Variants in SEMA3A observed in about 807,000 individuals in gnomAD.
SEMA3A encodes semaphorin 3A.
Under a neutral mutation model 97.9 loss-of-function variants are expected in SEMA3A, and 29 were observed. The ratio of observed to expected loss-of-function variants is 0.30; its 90% confidence interval spans 0.22 to 0.40. The LOEUF (loss-of-function observed/expected upper bound fraction) is 0.40, where lower values mean the gene tolerates loss of function less well. SEMA3A is among the 10% of genes least tolerant of loss of function. The probability of loss-of-function intolerance (pLI) is 1.00; values close to 1 mark genes in which losing one functional copy is unlikely to be tolerated. For synonymous variants in SEMA3A, 321 were observed against 323.7 expected (o/e 0.99, Z 0.09); for missense variants, 763 against 951.3 (o/e 0.80, Z 2.60).
At chr7:84,063,728 A>G (rs1176992766) in intron 4 of SEMA3A, among the ~76,000 whole-genome samples, 1 of 150,386 alleles carries the variant, frequency 6.6e-6, no homozygotes, top group East Asian at 2.0e-4. Context: ...AAAAAAGAAT[A>G]AAAAGAAATG....
intron 12 of SEMA3A, among the ~76,000 whole-genome samples, chr7:83,991,545 G>A (rs1277798036): frequency 6.6e-6 from 1 of 151,726 alleles, no homozygotes. Flanking sequence ...GTTGAATTTT[G>A]TCAAAGGCTT....
chr7:84,008,445 C>T (rs573879090), intron 9 of SEMA3A, among the ~76,000 whole-genome samples: 3 of 144,046 alleles, frequency 2.1e-5, no homozygotes, highest in East Asian at 4.1e-4. Context: ...GAGCCTAGAT[C>T]GTGCCACTGC....
chr7:84,401,111 A>C (rs1466843260), intron 1 of SEMA3A, among the ~76,000 whole-genome samples: 1 of 152,206 alleles, frequency 6.6e-6, no homozygotes. Context: ...TCTTATACTT[A>C]TAGAAACCTA....
intron 3 of SEMA3A, among the ~76,000 whole-genome samples, chr7:84,124,418 T>A (rs953753665): frequency 6.6e-6 from 1 of 152,198 alleles, no homozygotes; most frequent in Non-Finnish European, 1.5e-5. Context: ...TGGTTACAAT[T>A]CTGTCTTGGA....
chr7:84,379,600 TTGAGGAAGTGA>T (rs1361241551), intron 1 of SEMA3A, among the ~76,000 whole-genome samples: 2 of 152,114 alleles, frequency 1.3e-5, no homozygotes, highest in African/African-American at 4.8e-5. Context: ...AAGCTTCAAT[TTGAGGAAGTGA>T]TCAGGTTTTG....
intron 1 of SEMA3A, among the ~76,000 whole-genome samples, chr7:84,439,356 G>C (rs1307415521): frequency 6.6e-6 from 1 of 152,000 alleles, no homozygotes; most frequent in African/African-American, 2.4e-5. Flanking sequence ...GTGTCGACAT[G>C]GATAAATTTT....
chr7:84,086,041 A>AT (rs1258746911), intron 4 of SEMA3A, among the ~76,000 whole-genome samples: 2 of 151,986 alleles, frequency 1.3e-5, no homozygotes, highest in African/African-American at 2.4e-5. Flanking sequence ...GAATAATGCT[A>AT]TTTTTTCTGC....
intron 2 of SEMA3A, among the ~76,000 whole-genome samples, chr7:84,133,473 C>T (rs1053089172): frequency 2.0e-5 from 3 of 152,126 alleles, no homozygotes; most frequent in Non-Finnish European, 2.9e-5. Flanking sequence ...TAAAAATTAT[C>T]ATCAAATCTG....
chr7:83,967,792 T>G (rs1788762871), intron 15 of SEMA3A, among the ~76,000 whole-genome samples: 1 of 152,056 alleles, frequency 6.6e-6, no homozygotes, highest in South Asian at 2.1e-4. Flanking sequence ...TTTAAAAATT[T>G]TGTTTTGTTT....
intron 2 of SEMA3A, among the ~76,000 whole-genome samples, chr7:84,358,722 T>C (rs1397755453): frequency 6.6e-6 from 1 of 152,144 alleles, no homozygotes; most frequent in Non-Finnish European, 1.5e-5. Flanking sequence ...ATAAATTACC[T>C]TGGGCAGTAT....
intron 1 of SEMA3A, among the ~76,000 whole-genome samples, chr7:84,161,055 T>C (rs1260994006): frequency 6.6e-6 from 1 of 151,736 alleles, no homozygotes; most frequent in African/African-American, 2.4e-5. Context: ...AAGAGGATAA[T>C]ACTTTTTATT....
chr7:84,478,337 G>C (rs529050815), intron 1 of SEMA3A, among the ~76,000 whole-genome samples: 3 of 151,990 alleles, frequency 2.0e-5, no homozygotes, highest in Non-Finnish European at 4.4e-5. Flanking sequence ...GAATACAATG[G>C]GAACTTCCCT....
At chr7:84,321,872 GAAAAAAAAAA>G (rs1156548285) in intron 2 of SEMA3A, among the ~76,000 whole-genome samples, 1 of 12,062 alleles carries the variant, frequency 8.3e-5, no homozygotes, top group Non-Finnish European at 1.8e-4. Context: ...CGAGACTACG[GAAAAAAAAAA>G]AAAAAAAAAA....
intron 1 of SEMA3A, among the ~76,000 whole-genome samples, chr7:84,480,671 T>C (rs1806421106): frequency 6.6e-6 from 1 of 152,140 alleles, no homozygotes; most frequent in South Asian, 2.1e-4. Context: ...TTTCTGAAAC[T>C]GAATATTATC....
intron 1 of SEMA3A, among the ~76,000 whole-genome samples, chr7:84,170,384 C>A (rs1054658872): frequency 2.6e-5 from 4 of 151,936 alleles, no homozygotes; most frequent in Admixed American, 6.6e-5. Flanking sequence ...GCAGTGACTT[C>A]GTAAATGAGA....
At chr7:84,067,563 A>T (rs1300802971) in intron 4 of SEMA3A, among the ~76,000 whole-genome samples, 3 of 152,182 alleles carry the variant, frequency 2.0e-5, no homozygotes, top group Non-Finnish European at 4.4e-5. Context: ...ATTGAACTCA[A>T]ACAAATTTAC....
In SEMA3A at chr7:84,065,757, C is replaced by G. The variant is rs866131346; in HGVS notation, c.454-5199G>C. 5.5e-3 allele frequency among the ~76,000 whole-genome samples: 839 copies of G among 152,106 alleles called. 4 individuals carry two copies. The highest frequency in any genetic ancestry group is 0.031 in the Middle Eastern group (9 of 294). On this transcript the variant is annotated intron_variant, in intron 4 of 16. Transcript: ENST00000265362. The stretch of plus-strand genomic sequence containing the variant: ...TCTCTGAGTAGACCAATAACAGGGT[C>G]TGAAATTGTGACAATAATCAATAGC...
At chr7:84,203,534 T>A (rs1346626117) in intron 3 of SEMA3A, among the ~76,000 whole-genome samples, 1 of 99,530 alleles carries the variant, frequency 1.0e-5, no homozygotes, top group Non-Finnish European at 2.3e-5. Context: ...ATATTTTTTT[T>A]TTTTTTTTTT....
intron 2 of SEMA3A, among the ~76,000 whole-genome samples, chr7:84,311,218 C>A (rs1801307398): frequency 6.6e-6 from 1 of 151,994 alleles, no homozygotes; most frequent in South Asian, 2.1e-4. Flanking sequence ...ATATAACCTT[C>A]TGGCCAGCTG....
Sources: allele counts gnomAD v4.1 joint callset (sites outside exome capture counted in the v4.1 genomes callset), GRCh38; gene constraint gnomAD v4.1.1; transcripts MANE v1.5; gene names NCBI Gene and HGNC (gene_info 2026-07-23, HGNC 2026-07-21).